Variants in COL25A1 observed in about 807,000 individuals in gnomAD.
The protein encoded by COL25A1 is collagen type XXV alpha 1 chain.
A neutral mutation model predicts 128.4 loss-of-function variants in COL25A1; 103 were observed. The ratio of observed to expected loss-of-function variants is 0.80; its 90% CI spans 0.68 to 0.94. The LOEUF is 0.94. Ranked by LOEUF, COL25A1 falls within the 40% of genes least tolerant of loss-of-function variation. COL25A1 has a pLI of 0.00. For synonymous variants in COL25A1, 279 were observed against 277.2 expected, an observed-to-expected ratio of 1.01 and a Z score of -0.06; for missense variants, 745 against 840.0, an observed-to-expected ratio of 0.89 and a Z score of 1.40.
chr4:109,062,545 A>G (rs1224977875), intron 3 of COL25A1, among the ~76,000 whole-genome samples: 1 of 152,204 alleles, frequency 6.6e-6, no homozygotes, highest in Admixed American at 6.5e-5. Flanking sequence ...TGAATAAGAC[A>G]GTTGTATAAG....
chr4:109,124,122 T>C (rs1460482949), intron 3 of COL25A1, among the ~76,000 whole-genome samples: 1 of 152,138 alleles, frequency 6.6e-6, no homozygotes, highest in Non-Finnish European at 1.5e-5. Flanking sequence ...TTTCAGGCAC[T>C]GACATTGACT....
At chr4:109,242,803 TA>T (rs1281853028) in intron 3 of COL25A1, among the ~76,000 whole-genome samples, 11 of 152,084 alleles carry the variant, frequency 7.2e-5, no homozygotes, top group Non-Finnish European at 1.3e-4. Flanking sequence ...TTTTATTGTA[TA>T]TATTTAAGGT....
chr4:108,977,914 T>C (rs769346234), intron 6 of COL25A1, among the ~76,000 whole-genome samples: 22 of 152,230 alleles, frequency 1.4e-4, no homozygotes, highest in Non-Finnish European at 2.8e-4. Context: ...TTGTTTGCTT[T>C]TGCCAGTGAG....
intron 3 of COL25A1, among the ~76,000 whole-genome samples, chr4:109,144,720 T>C (rs868528576): frequency 6.6e-6 from 1 of 152,214 alleles, no homozygotes; most frequent in Non-Finnish European, 1.5e-5. Context: ...TTCACAGTAA[T>C]GTCTAAGTCC....
At chr4:109,204,308 AT>A (rs1384535916) in intron 3 of COL25A1, among the ~76,000 whole-genome samples, 2 of 152,186 alleles carry the variant, frequency 1.3e-5, no homozygotes, top group African/African-American at 4.8e-5. Context: ...GAAATTTGAC[AT>A]TTTTATATAG....
chr4:108,905,980 C>T (rs115962648), intron 13 of COL25A1, among the ~76,000 whole-genome samples: 1,571 of 152,166 alleles, frequency 0.01, 26 homozygotes, highest in African/African-American at 0.035. Context: ...GGTCTCTGTA[C>T]TGTCTGTACG....
At chr4:108,871,920 A>G (rs530519067) in intron 19 of COL25A1, among the ~76,000 whole-genome samples, 1 of 152,268 alleles carries the variant, frequency 6.6e-6, no homozygotes, top group East Asian at 1.9e-4. Context: ...AGGCATGGAT[A>G]TGTTGACTCA....
chr4:108,909,601 G>A (rs1743971782), intron 13 of COL25A1, among the ~76,000 whole-genome samples: 1 of 152,196 alleles, frequency 6.6e-6, no homozygotes, highest in Non-Finnish European at 1.5e-5. Context: ...CATGTAGACA[G>A]AAATATCTAC....
At chr4:108,859,952 A>G (rs186430985) in intron 23 of COL25A1, among the ~76,000 whole-genome samples, 1 of 151,886 alleles carries the variant, frequency 6.6e-6, no homozygotes, top group Admixed American at 6.5e-5. Context: ...TAGGTTCAAT[A>G]TATGAAATCT....
At chr4:108,957,719 T>C (rs541414683) in intron 8 of COL25A1, among the ~76,000 whole-genome samples, 1 of 152,296 alleles carries the variant, frequency 6.6e-6, no homozygotes, top group South Asian at 2.1e-4. Flanking sequence ...TAGAAGTTTT[T>C]AGGTAATTAG....
intron 13 of COL25A1, among the ~76,000 whole-genome samples, chr4:108,901,838 A>G (rs1403534402): frequency 6.6e-6 from 1 of 152,068 alleles, no homozygotes; most frequent in Non-Finnish European, 1.5e-5. Flanking sequence ...AAAGATGATG[A>G]TGTATACCAG....
intron 11 of COL25A1, among the ~76,000 whole-genome samples, chr4:108,932,767 A>G (rs1472793813): frequency 6.6e-6 from 1 of 152,212 alleles, no homozygotes; most frequent in African/African-American, 2.4e-5. Flanking sequence ...CATCGAAAGG[A>G]AAGATACCTT....
chr4:109,276,115 T>C (rs1290335448), intron 3 of COL25A1, among the ~76,000 whole-genome samples: 1 of 152,144 alleles, frequency 6.6e-6, no homozygotes, highest in East Asian at 1.9e-4. Context: ...AGGATAAAGA[T>C]TGTCTTATTT....
intron 3 of COL25A1, among the ~76,000 whole-genome samples, chr4:109,101,879 C>T (rs943939576): frequency 3.3e-5 from 5 of 152,154 alleles, no homozygotes; most frequent in Admixed American, 3.3e-4. Flanking sequence ...TTCCCTGTCC[C>T]CCATGAAAAC....
intron 13 of COL25A1, among the ~76,000 whole-genome samples, chr4:108,904,462 C>T (rs1230765970): frequency 6.6e-6 from 1 of 152,050 alleles, no homozygotes; most frequent in Non-Finnish European, 1.5e-5. Context: ...ATAAAGCATA[C>T]ATCTTATATT....
chr4:108,981,870 AAATTT>A (rs1483571775), intron 6 of COL25A1, among the ~76,000 whole-genome samples: 1 of 152,180 alleles, frequency 6.6e-6, no homozygotes, highest in Non-Finnish European at 1.5e-5. Context: ...ACATAAAATA[AAATTT>A]ATTTTTCAGA....
intron 6 of COL25A1, among the ~76,000 whole-genome samples, chr4:109,001,423 A>AT (rs149946011): frequency 6.6e-4 from 99 of 150,148 alleles, no homozygotes; most frequent in East Asian, 9.8e-4. Context: ...TCAGGTAGGC[A>AT]GTGAGCTAGA....
rs927997412 is a variant in COL25A1, at chr4:109,047,004, G to A, written c.420+1164C>T. Among the ~76,000 whole-genome samples, 5 of 152,158 alleles carry A rather than the reference G, an allele frequency of 3.3e-5. No individual in the cohort carries two copies. The South Asian group carries it at 8.3e-4, about 25-fold the overall frequency. ...AATCTGTTCCTGTGAGTGCAAAACA[G>A]ACTGGAATGCTGCAGCTATGACCTA... On this transcript the variant is annotated intron_variant, in intron 5 of 37. Coordinates refer to ENST00000399132, the MANE Select transcript of COL25A1 (RefSeq NM_198721.4).
chr4:109,164,067 T>C (rs1334951668), intron 3 of COL25A1, among the ~76,000 whole-genome samples: 3 of 152,120 alleles, frequency 2.0e-5, no homozygotes, highest in East Asian at 1.9e-4. Flanking sequence ...GAAGTGCTTA[T>C]GGAAGAGAAT....
Sources: gnomAD v4.1 joint callset for allele counts (sites outside exome capture counted in the v4.1 genomes callset) on GRCh38, gnomAD v4.1.1 for gene constraint, MANE v1.5 for transcripts, NCBI Gene and HGNC (gene_info 2026-07-23, HGNC 2026-07-21) for gene names.